Variants in MALRD1 observed in about 807,000 individuals in gnomAD.
MALRD1 encodes MAM and LDL-receptor class A domain-containing protein 1.
A neutral mutation model predicts 242.1 loss-of-function variants in MALRD1; 247 were observed. That is an observed-to-expected ratio of 1.02 (90% CI 0.92 to 1.13). MALRD1 has a LOEUF of 1.13. Ranked by LOEUF, MALRD1 falls within the 50% of genes most tolerant of loss-of-function variation. MALRD1 has a pLI of 0.00. For synonymous variants in MALRD1, 995 were observed against 866.6 expected (o/e 1.15, Z -2.60); for missense variants, 2,989 against 2,533.1 (o/e 1.18, Z -3.86).
At chr10:19,497,191 A>C (rs1455434005) in intron 30 of MALRD1, among the ~76,000 whole-genome samples, 2 of 152,006 alleles carry the variant, frequency 1.3e-5, no homozygotes, top group Non-Finnish European at 2.9e-5. Context: ...ACACATGATG[A>C]CTGTCTTTTA....
chr10:19,537,562 A>G (rs774434487), intron 32 of MALRD1, among the ~76,000 whole-genome samples: 1 of 152,080 alleles, frequency 6.6e-6, no homozygotes, highest in Admixed American at 6.6e-5. Context: ...GTATTCAAAC[A>G]TCATCTTTCT....
chr10:19,065,712 C>T (rs898091420), intron 1 of MALRD1, among the ~76,000 whole-genome samples: 17 of 152,210 alleles, frequency 1.1e-4, no homozygotes, highest in African/African-American at 4.1e-4. Flanking sequence ...CAACCATGTG[C>T]TCCAGGTCTT....
At chr10:19,541,490 A>G (rs989539385) in intron 32 of MALRD1, among the ~76,000 whole-genome samples, 4 of 152,216 alleles carry the variant, frequency 2.6e-5, no homozygotes, top group African/African-American at 4.8e-5. Flanking sequence ...CATTGAAATC[A>G]TTTGTACAAT....
At chr10:19,239,468 T>C (rs981256650) in intron 18 of MALRD1, among the ~76,000 whole-genome samples, 3 of 152,174 alleles carry the variant, frequency 2.0e-5, no homozygotes, top group Non-Finnish European at 2.9e-5. Context: ...CTCTGTTAAG[T>C]TTCCTTTGCT....
intron 29 of MALRD1, among the ~76,000 whole-genome samples, chr10:19,483,809 A>G (rs1022563225): frequency 2.6e-5 from 4 of 152,150 alleles, no homozygotes; most frequent in Admixed American, 2.6e-4. Flanking sequence ...TCTACTAAAA[A>G]AAAGATGCAT....
Position 19,177,514 on chromosome 10 carries a change from TG to T in MALRD1, c.1951+2187del, listed in dbSNP as rs1835313864. ...CTTCACCCATCATAAAGGTCACAGC[TG>T]ACACTCCGAGAATGAAAGACAGTTT... On this transcript the variant is annotated intron_variant, in intron 14 of 39. Transcript: ENST00000454679. Among the ~76,000 whole-genome samples the T allele has an allele frequency of 2.0e-5, 3 of 152,084 alleles. No individual in the cohort carries two copies. In the South Asian group the frequency reaches 6.2e-4, roughly 32 times the overall value.
In MALRD1 at chr10:19,491,631, A is replaced by G; in HGVS notation, c.5144A>G (p.Asp1715Gly). The change falls in exon 30 of 40, where the codon GAT becomes GGT. Residue 1715 changes from aspartate (D) to glycine (G), a missense_variant. Coordinates refer to ENST00000454679, the MANE Select transcript of MALRD1 (RefSeq NM_001142308.3). ...AAGCCAGACTGCTCTGATAGGTCTG[A>G]TGAAGCTCACTGTGGTAAGTTTATC... ...DYKPDCSDRS[D>G]EAHCAHYTST... The G allele has an allele frequency of 6.5e-7, 1 of 1,549,584 alleles. No individual in the cohort carries two copies. The highest frequency in any genetic ancestry group is 2.0e-5 in the Admixed American group (1 of 50,996).
intron 19 of MALRD1, among the ~76,000 whole-genome samples, chr10:19,259,095 C>T (rs1233470182): frequency 6.6e-6 from 1 of 152,116 alleles, no homozygotes; most frequent in Non-Finnish European, 1.5e-5. Context: ...AAAACAGCAG[C>T]CCACATGTTT....
At chr10:19,494,548 G>A (rs60330038) in intron 30 of MALRD1, among the ~76,000 whole-genome samples, 2,590 of 152,260 alleles carry the variant, frequency 0.017, 66 homozygotes, top group African/African-American at 0.059. Context: ...TTATGCAGGA[G>A]CTGACGGATG....
intron 21 of MALRD1, among the ~76,000 whole-genome samples, chr10:19,289,666 G>A (rs7908430): frequency 6.6e-6 from 1 of 152,018 alleles, no homozygotes; most frequent in African/African-American, 2.4e-5. Flanking sequence ...TTATGCATCA[G>A]ATATCCTACT....
intron 38 of MALRD1, among the ~76,000 whole-genome samples, chr10:19,729,049 C>T (rs977708442): frequency 6.6e-6 from 1 of 152,138 alleles, no homozygotes; most frequent in Non-Finnish European, 1.5e-5. Flanking sequence ...CCCTATTCAT[C>T]AATAAGCAAA....
chr10:19,334,692 C>A (rs1267084124), intron 24 of MALRD1, among the ~76,000 whole-genome samples: 1 of 151,964 alleles, frequency 6.6e-6, no homozygotes, highest in Non-Finnish European at 1.5e-5. Flanking sequence ...CTTTGCTACT[C>A]TGGAATTCTG....
At chr10:19,565,694 G>T (rs1836220775) in intron 32 of MALRD1, among the ~76,000 whole-genome samples, 1 of 152,164 alleles carries the variant, frequency 6.6e-6, no homozygotes, top group Non-Finnish European at 1.5e-5. Flanking sequence ...GTGCTTACGT[G>T]TCAGACTGGA....
chr10:19,530,914 A>G (rs552754688), intron 31 of MALRD1, among the ~76,000 whole-genome samples: 1 of 152,298 alleles, frequency 6.6e-6, no homozygotes, highest in East Asian at 1.9e-4. Context: ...GTTTAAGCAA[A>G]TTAGGAGAAT....
chr10:19,609,875 A>G (rs1205380918), intron 35 of MALRD1, among the ~76,000 whole-genome samples: 1 of 152,004 alleles, frequency 6.6e-6, no homozygotes, highest in African/African-American at 2.4e-5. Context: ...GAATTAGGAA[A>G]GGTCACTAAA....
intron 26 of MALRD1, among the ~76,000 whole-genome samples, chr10:19,367,927 C>A (rs954727365): frequency 2.6e-5 from 4 of 151,872 alleles, no homozygotes; most frequent in African/African-American, 9.7e-5. Flanking sequence ...TTGTTCAGAT[C>A]ATTTGCCTAT....
chr10:19,378,457 G>T (rs1319205872), intron 26 of MALRD1, among the ~76,000 whole-genome samples: 1 of 152,150 alleles, frequency 6.6e-6, no homozygotes, highest in African/African-American at 2.4e-5. Context: ...ATCTGCACCA[G>T]CAAAGTCTTA....
At chr10:19,654,771 A>C (rs2131716560) in intron 36 of MALRD1, among the ~76,000 whole-genome samples, 1 of 152,300 alleles carries the variant, frequency 6.6e-6, no homozygotes, top group African/African-American at 2.4e-5. Flanking sequence ...CAGGCACAGA[A>C]GGGAAATCAG....
chr10:19,716,066 C>T (rs1182162081), intron 38 of MALRD1, among the ~76,000 whole-genome samples: 1 of 152,200 alleles, frequency 6.6e-6, no homozygotes, highest in African/African-American at 2.4e-5. Context: ...CAAATCATAT[C>T]GCTACTCAAA....
Sources: gnomAD v4.1 joint callset for allele counts (sites outside exome capture counted in the v4.1 genomes callset) on GRCh38, gnomAD v4.1.1 for gene constraint, MANE v1.5 for transcripts, NCBI Gene and HGNC (gene_info 2026-07-23, HGNC 2026-07-21) for gene names.